PLCE1: variants seen among roughly 807,000 people sequenced by gnomAD.
PLCE1 encodes phospholipase C epsilon 1.
PLCE1 carries 119 observed loss-of-function variants against 242.8 expected under a neutral mutation model. That is an observed-to-expected ratio of 0.49 (90% CI 0.42 to 0.57). The LOEUF (loss-of-function observed/expected upper bound fraction) is 0.57. PLCE1 is among the 20% of genes least tolerant of loss of function. The pLI is 0.00. For missense variants in PLCE1, 2,441 were observed against 2,788.8 expected (o/e 0.88, Z 2.81); for synonymous variants, 945 against 1,017.4 (o/e 0.93, Z 1.35).
At chr10:94,274,236 A>G (rs756732423) in intron 19 of PLCE1, among the ~76,000 whole-genome samples, 48 of 152,242 alleles carry the variant, frequency 3.2e-4, no homozygotes, top group South Asian at 6.2e-4. Context: ...GTCTGTGAAA[A>G]AGTTCAGGTA....
intron 4 of PLCE1, among the ~76,000 whole-genome samples, chr10:94,216,887 C>T (rs1397667918): frequency 6.6e-6 from 1 of 151,714 alleles, no homozygotes; most frequent in East Asian, 2.0e-4. Flanking sequence ...CATTTCTTTG[C>T]CCAGTAGATC....
intron 2 of PLCE1, among the ~76,000 whole-genome samples, chr10:94,127,573 A>C (rs900673992): frequency 6.6e-6 from 1 of 152,238 alleles, no homozygotes; most frequent in Non-Finnish European, 1.5e-5. Flanking sequence ...AGGAAATCAC[A>C]GTTCCAGCCC....
At chr10:94,120,526 C>T (rs2046268716) in intron 2 of PLCE1, among the ~76,000 whole-genome samples, 1 of 152,146 alleles carries the variant, frequency 6.6e-6, no homozygotes. Context: ...CTCTGGTGGT[C>T]ATTCACTTGG....
At chr10:94,204,603 GT>G (rs2049087116) in intron 4 of PLCE1, among the ~76,000 whole-genome samples, 1 of 152,040 alleles carries the variant, frequency 6.6e-6, no homozygotes, top group Admixed American at 6.6e-5. Flanking sequence ...GGTGGCGGAG[GT>G]TACAGTGAGC....
At chr10:94,136,402 T>C (rs2135954194) in intron 3 of PLCE1, among the ~76,000 whole-genome samples, 1 of 152,346 alleles carries the variant, frequency 6.6e-6, no homozygotes, top group African/African-American at 2.4e-5. Context: ...TTATGTTGTA[T>C]GTATTTTATC....
At chr10:94,150,003 A>G (rs2047224489) in intron 3 of PLCE1, among the ~76,000 whole-genome samples, 1 of 152,182 alleles carries the variant, frequency 6.6e-6, no homozygotes, top group African/African-American at 2.4e-5. Flanking sequence ...GCCAGTAAGT[A>G]ATTAGGACTC....
intron 22 of PLCE1, 57 bp downstream of exon 22, chr10:94,285,022 C>T: frequency 1.0e-6 from 1 of 988,774 alleles, no homozygotes; most frequent in South Asian, 1.3e-5. Flanking sequence ...TAAAAATATG[C>T]CATTTATTTA....
intron 4 of PLCE1, among the ~76,000 whole-genome samples, chr10:94,203,703 A>G (rs1173084754): frequency 6.6e-6 from 1 of 152,240 alleles, no homozygotes; most frequent in African/African-American, 2.4e-5. Context: ...AGGTGAGAAC[A>G]TCTCTCTCTT....
chr10:94,259,009 T>C lies in PLCE1; in HGVS notation c.3678-5T>C, dbSNP rs1486500779. 1.9e-6 allele frequency: 3 copies of C among 1,614,146 alleles called. No homozygotes were observed. The highest frequency in any genetic ancestry group is 2.5e-6 in the Non-Finnish European group (3 of 1,179,994). On this transcript the variant is annotated splice_region_variant and splice_polypyrimidine_tract_variant and intron_variant, in intron 12 of 32. Transcript: ENST00000371380. ...AATGAGAGGTGTTTTCCATTCCTCA[T>C]TCAGTGTCAGGAGCCGCAAGGACCT...
chr10:94,085,201 G>A, intron 2 of PLCE1, among the ~76,000 whole-genome samples: 1 of 152,144 alleles, frequency 6.6e-6, no homozygotes, highest in East Asian at 1.9e-4. Flanking sequence ...GGCAGGATTT[G>A]GGGGGACATT....
chr10:94,291,815 C>A (rs554204393), intron 22 of PLCE1, among the ~76,000 whole-genome samples: 1 of 152,088 alleles, frequency 6.6e-6, no homozygotes, highest in South Asian at 2.1e-4. Flanking sequence ...AGTGAGCCAA[C>A]GGGGTAGATG....
At chr10:94,233,990 G>A in intron 5 of PLCE1, 64 bp from the exon 6 acceptor site, 5 of 1,386,342 alleles carry the variant, frequency 3.6e-6, no homozygotes, top group Non-Finnish European at 4.1e-6. Flanking sequence ...ATGGAATTTA[G>A]GCTCCTTGCT....
intron 19 of PLCE1, among the ~76,000 whole-genome samples, chr10:94,275,601 C>T (rs1478059345): frequency 1.3e-5 from 2 of 152,104 alleles, no homozygotes; most frequent in South Asian, 2.1e-4. Flanking sequence ...TTTGGGAGGC[C>T]GAGGCAGGTC....
At chr10:94,203,245 A>G (rs2049038113) in intron 4 of PLCE1, among the ~76,000 whole-genome samples, 1 of 151,994 alleles carries the variant, frequency 6.6e-6, no homozygotes, top group Non-Finnish European at 1.5e-5. Flanking sequence ...GCTCTGTCAC[A>G]CTCTGCTCCC....
Position 94,332,549 on chromosome 10 carries a change from T to TGTGTGTGTG in PLCE1, c.*4606_*4607insGTGTGTGTG. ...TGTGTGTGTGTGTGTGTGTGTGTGT[T>TGTGTGTGTG]TAAACATAAGCTTACATATAAGCGT... On this transcript the variant is annotated 3_prime_UTR_variant, in exon 33 of 33. Coordinates refer to ENST00000371380, the MANE Select transcript of PLCE1 (RefSeq NM_016341.4). 8.0e-6 allele frequency: 1 copy of TGTGTGTGTG among 125,198 alleles called. No individual in the cohort carries two copies. The highest frequency in any genetic ancestry group is 1.7e-5 in the Non-Finnish European group (1 of 57,540). The allele number at this position is 125,198 out of a possible 1,614,324, so 7.8% of individuals were successfully genotyped here. A position where few individuals can be genotyped will look rare whatever the true frequency, so the allele number is the denominator to read the frequency against.
intron 2 of PLCE1, among the ~76,000 whole-genome samples, chr10:94,103,378 G>T (rs2045610673): frequency 6.6e-6 from 1 of 152,214 alleles, no homozygotes; most frequent in Non-Finnish European, 1.5e-5. Context: ...TAAGCCAGGG[G>T]AGTGGCAGCA....
intron 25 of PLCE1, among the ~76,000 whole-genome samples, chr10:94,305,209 G>A (rs1381764180): frequency 6.6e-6 from 1 of 151,962 alleles, no homozygotes; most frequent in African/African-American, 2.4e-5. Flanking sequence ...TGGGTAGATC[G>A]CTTTGCGCTC....
At chr10:94,085,156 G>A (rs1484154827) in intron 2 of PLCE1, among the ~76,000 whole-genome samples, 1 of 152,070 alleles carries the variant, frequency 6.6e-6, no homozygotes, top group Non-Finnish European at 1.5e-5. Flanking sequence ...TGTGTTTGGG[G>A]GTACTATTAT....
At chr10:94,053,032 CG>C (rs1223014053) in intron 2 of PLCE1, among the ~76,000 whole-genome samples, 1 of 152,178 alleles carries the variant, frequency 6.6e-6, no homozygotes, top group Admixed American at 6.5e-5. Context: ...TCCCAAATAA[CG>C]CTTTTTGAAG....
Sources: gnomAD v4.1 joint callset for allele counts (sites outside exome capture counted in the v4.1 genomes callset) on GRCh38, gnomAD v4.1.1 for gene constraint, MANE v1.5 for transcripts, NCBI Gene and HGNC (gene_info 2026-07-23, HGNC 2026-07-21) for gene names.